The following GRIK2 variants were observed in gnomAD, a reference collection of about 807,000 sequenced individuals.
GRIK2 encodes glutamate ionotropic receptor kainate type subunit 2, also known as glutamate receptor ionotropic, kainate 2.
In GRIK2, 32 loss-of-function variants were observed where a neutral mutation model predicts 100.3. The observed-to-expected ratio is 0.32, with a 90% CI of 0.24 to 0.43. The LOEUF (loss-of-function observed/expected upper bound fraction) is 0.43, where lower values mean the gene tolerates loss of function less well. Among genes scored for constraint, GRIK2 ranks in the 20% least tolerant of loss-of-function variants. GRIK2 has a pLI of 1.00. For synonymous variants in GRIK2, 417 were observed against 389.4 expected, an observed-to-expected ratio of 1.07 and a Z score of -0.83; for missense variants, 843 against 1,114.9, an observed-to-expected ratio of 0.76 and a Z score of 3.47.
At chr6:101,625,164 G>C (rs1400357574) in intron 3 of GRIK2, among the ~76,000 whole-genome samples, 1 of 152,012 alleles carries the variant, frequency 6.6e-6, no homozygotes, top group Non-Finnish European at 1.5e-5. Context: ...ACGAGGTCAG[G>C]AGATCAAGAT....
intron 7 of GRIK2, among the ~76,000 whole-genome samples, chr6:101,740,036 C>G (rs920285015): frequency 6.6e-6 from 1 of 152,164 alleles, no homozygotes. Context: ...ATCAACTTTG[C>G]TCTCTGGGAA....
intron 2 of GRIK2, among the ~76,000 whole-genome samples, chr6:101,419,780 C>A (rs1776326169): frequency 6.6e-6 from 1 of 152,160 alleles, no homozygotes; most frequent in Non-Finnish European, 1.5e-5. Context: ...CCTTTCACTT[C>A]AACAACTTGA....
intron 14 of GRIK2, among the ~76,000 whole-genome samples, chr6:102,012,784 A>G (rs1795617449): frequency 6.6e-6 from 1 of 151,978 alleles, no homozygotes; most frequent in Non-Finnish European, 1.5e-5. Flanking sequence ...GTTCTGTTCC[A>G]TTGGTCTATG....
intron 10 of GRIK2, among the ~76,000 whole-genome samples, chr6:101,843,892 A>T (rs2250046): frequency 1.3e-5 from 2 of 152,072 alleles, no homozygotes; most frequent in Non-Finnish European, 2.9e-5. Flanking sequence ...GTGACTTGGC[A>T]TATACTTACC....
intron 7 of GRIK2, among the ~76,000 whole-genome samples, chr6:101,768,147 C>A (rs1170523130): frequency 6.6e-6 from 1 of 152,178 alleles, no homozygotes; most frequent in African/African-American, 2.4e-5. Context: ...GCATGAGCCA[C>A]TACACTCACC....
intron 2 of GRIK2, among the ~76,000 whole-genome samples, chr6:101,414,939 CTT>C (rs1491139632): frequency 3.9e-5 from 5 of 129,208 alleles, no homozygotes; most frequent in South Asian, 2.5e-4. Flanking sequence ...GAGTTTTAAA[CTT>C]GTGTGTGTGT....
chr6:101,949,099 AAT>A (rs1791454878), intron 14 of GRIK2, among the ~76,000 whole-genome samples: 1 of 152,200 alleles, frequency 6.6e-6, no homozygotes, highest in African/African-American at 2.4e-5. Flanking sequence ...TTATGATAAA[AAT>A]AATGTATATG....
At chr6:101,426,137 C>T (rs1776687215) in intron 2 of GRIK2, among the ~76,000 whole-genome samples, 1 of 152,154 alleles carries the variant, frequency 6.6e-6, no homozygotes, top group Non-Finnish European at 1.5e-5. Flanking sequence ...TAATCTTCCA[C>T]TTTGTGTATT....
intron 2 of GRIK2, among the ~76,000 whole-genome samples, chr6:101,453,037 A>C (rs1770796650): frequency 6.6e-6 from 1 of 151,928 alleles, no homozygotes; most frequent in Admixed American, 6.6e-5. Flanking sequence ...TCTTCTAAGG[A>C]TATTGCTTGT....
intron 15 of GRIK2, among the ~76,000 whole-genome samples, chr6:102,041,172 T>C (rs1051671167): frequency 1.3e-5 from 2 of 151,564 alleles, no homozygotes; most frequent in Non-Finnish European, 3.0e-5. Context: ...CAACAGGGAA[T>C]TTGATGAATT....
intron 16 of GRIK2, among the ~76,000 whole-genome samples, chr6:102,058,278 T>C (rs1221287218): frequency 6.6e-6 from 1 of 151,748 alleles, no homozygotes; most frequent in African/African-American, 2.4e-5. Context: ...AAATACCTAG[T>C]ATTTTTTGTT....
chr6:101,757,170 A>G (rs537046680), intron 7 of GRIK2, among the ~76,000 whole-genome samples: 4 of 152,232 alleles, frequency 2.6e-5, no homozygotes, highest in African/African-American at 9.6e-5. Flanking sequence ...GTGGCCTTTG[A>G]ACTGGTGAAT....
intron 14 of GRIK2, among the ~76,000 whole-genome samples, chr6:102,029,698 T>C (rs1026809485): frequency 6.6e-6 from 1 of 151,230 alleles, no homozygotes; most frequent in Non-Finnish European, 1.5e-5. Context: ...GTCAAGCCAA[T>C]GGCAGTGTTC....
chr6:101,501,948 G>A (rs1280954220), intron 2 of GRIK2, among the ~76,000 whole-genome samples: 1 of 151,976 alleles, frequency 6.6e-6, no homozygotes, highest in Non-Finnish European at 1.5e-5. Context: ...GTAGAGATGA[G>A]GTTTCAGAAT....
chr6:101,981,801 A>G (rs1793728616), intron 14 of GRIK2, among the ~76,000 whole-genome samples: 1 of 151,744 alleles, frequency 6.6e-6, no homozygotes, highest in Non-Finnish European at 1.5e-5. Context: ...GCAAAGGAGA[A>G]GAAAGTGGAG....
chr6:101,751,137 C>T (rs1336497247), intron 7 of GRIK2, among the ~76,000 whole-genome samples: 4 of 152,086 alleles, frequency 2.6e-5, no homozygotes, highest in Non-Finnish European at 1.5e-5. Context: ...GGGGGTCCCA[C>T]TATGTTATCC....
At chr6:101,922,130 T>TC (rs112463262) in intron 12 of GRIK2, among the ~76,000 whole-genome samples, 4,406 of 46,714 alleles carry the variant, frequency 0.094, 216 homozygotes, top group African/African-American at 0.22. Flanking sequence ...CTTCCTTCCT[T>TC]CCTTCCTTCC....
intron 2 of GRIK2, among the ~76,000 whole-genome samples, chr6:101,412,362 C>T (rs1009489113): frequency 3.9e-5 from 6 of 151,900 alleles, no homozygotes; most frequent in African/African-American, 1.4e-4. Context: ...GAAACACATA[C>T]GTTTGTTAAA....
chr6:101,459,107 ATT>A lies in GRIK2; in HGVS notation c.115+59726_115+59727del, dbSNP rs34684611. Reference sequence around the variant, plus strand: ...CTAAAGCTAAGGTCCCCAGAACACCATTTTTTTTTTTTAATGTGGTTTTCTTG... The same window carrying A: ...CTAAAGCTAAGGTCCCCAGAACACCATTTTTTTTTTAATGTGGTTTTCTTG... On this transcript the variant is annotated intron_variant, in intron 2 of 16. Transcript: ENST00000369134. 1.6e-3 allele frequency among the ~76,000 whole-genome samples: 233 copies of A among 149,062 alleles called. 2 individuals are homozygous for A. Among genetic ancestry groups the A allele is most frequent in the Admixed American group, 4.5e-3 (68 of 14,974 alleles).
Sources: allele counts gnomAD v4.1 joint callset (sites outside exome capture counted in the v4.1 genomes callset), GRCh38; gene constraint gnomAD v4.1.1; transcripts MANE v1.5; gene names NCBI Gene and HGNC (gene_info 2026-07-23, HGNC 2026-07-21).